The following ARHGAP28 variants were observed in gnomAD, a reference collection of about 807,000 sequenced individuals.
The protein encoded by ARHGAP28 is Rho GTPase activating protein 28, also known as rho GTPase-activating protein 28.
A neutral mutation model predicts 90.7 loss-of-function variants in ARHGAP28; 56 were observed. That is an observed-to-expected ratio of 0.62 (90% CI 0.50 to 0.77). The LOEUF (loss-of-function observed/expected upper bound fraction) is 0.77. Among genes scored for constraint, ARHGAP28 ranks in the 30% least tolerant of loss-of-function variants. The pLI is 0.00. For missense variants in ARHGAP28, 869 were observed against 900.9 expected (o/e 0.96, Z 0.45); for synonymous variants, 308 against 323.3 (o/e 0.95, Z 0.51).
intron 10 of ARHGAP28, among the ~76,000 whole-genome samples, chr18:6,880,834 A>C (rs951867097): frequency 6.6e-6 from 1 of 152,208 alleles, no homozygotes; most frequent in African/African-American, 2.4e-5. Flanking sequence ...CTCATGAAAT[A>C]GTCCCACCCA....
rs934477947 is a variant in ARHGAP28 at position 6,863,758 on chromosome 18, T to G, written c.726+3861T>G. Among the ~76,000 whole-genome samples, 8 of 151,302 alleles carry G rather than the reference T, an allele frequency of 5.3e-5. 2 individuals carry two copies. The highest frequency in any genetic ancestry group is 2.0e-4 in the Admixed American group (3 of 15,232). On this transcript the variant is annotated intron_variant, in intron 5 of 17. Transcript: ENST00000383472. ...TGTTTATGAAACCTCCAAAGCCTGA[T>G]ATCATTGTAGGCATAAAGCTTTGTT...
intron 1 of ARHGAP28, among the ~76,000 whole-genome samples, chr18:6,770,562 C>G (rs1230133963): frequency 6.6e-6 from 1 of 152,176 alleles, no homozygotes; most frequent in Non-Finnish European, 1.5e-5. Flanking sequence ...TCGTCACAGG[C>G]AGCATTTAAG....
In ARHGAP28 at chr18:6,743,966, T is replaced by G. The variant is rs201685943; in HGVS notation, c.122+14023T>G. ...GGACAGAAACTGTCTCTTATCTCTG[T>G]ATCCTTAGCATTTTAGCCTACTGGC... On this transcript the variant is annotated intron_variant, in intron 1 of 17. Coordinates refer to ENST00000383472, the MANE Select transcript of ARHGAP28 (RefSeq NM_001366230.1). 4.6e-5 allele frequency among the ~76,000 whole-genome samples: 7 copies of G among 152,288 alleles called. No homozygotes were observed. In the East Asian group the frequency reaches 1.4e-3, roughly 29 times the overall value.
chr18:6,796,446 TTCAAAGATGCCAACATCATCTTCA>T (rs1272466190), intron 1 of ARHGAP28, among the ~76,000 whole-genome samples: 26 of 152,228 alleles, frequency 1.7e-4, no homozygotes, highest in African/African-American at 6.0e-4. Context: ...GGCCTCTGTC[TTCAAAGATGCCAACATCATCTTCA>T]TTCTGTAACA....
chr18:6,875,950 T>G (rs767468990), intron 9 of ARHGAP28, among the ~76,000 whole-genome samples, 181 bp from the exon 10 acceptor site: 4 of 152,232 alleles, frequency 2.6e-5, no homozygotes, highest in Non-Finnish European at 5.9e-5. Context: ...CTTTCTCATT[T>G]GCATGTCGGA....
rs1306706173 is a variant in ARHGAP28, at chr18:6,896,707, T to C, written c.2030+81T>C. The stretch of plus-strand genomic sequence containing the variant: ...AATAACTTTCTAGGCATTTACAAAT[T>C]TGACCTTTTGTAAAATATAGAACCT... On this transcript the variant is annotated intron_variant, in intron 16 of 17. Transcript: ENST00000383472. 3.3e-6 allele frequency: 5 copies of C among 1,524,182 alleles called. No homozygotes were observed. The African/African-American group carries it at 4.2e-5, about 13-fold the overall frequency. The allele number at this position is 1,524,182 out of a possible 1,614,324, so 94.4% of individuals were successfully genotyped here.
At chr18:6,812,260 C>G (rs578022962) in intron 1 of ARHGAP28, among the ~76,000 whole-genome samples, 2 of 152,144 alleles carry the variant, frequency 1.3e-5, no homozygotes, top group South Asian at 2.1e-4. Flanking sequence ...AAATTAAAAC[C>G]CTTTTCCAAT....
rs1453647082 is a variant in ARHGAP28 at position 6,846,903 on chromosome 18, TA to T, written c.544-4130del. 2.6e-5 allele frequency among the ~76,000 whole-genome samples: 4 copies of T among 152,300 alleles called. No homozygotes were observed. In the East Asian group the frequency reaches 7.8e-4, roughly 30 times the overall value. ...TCACATGAAATCGACAGCAGTTTATTAGTCACGTTTCCTCACAGCTTGGGAG... is the reference window on the plus strand; with the variant it reads ...TCACATGAAATCGACAGCAGTTTATTGTCACGTTTCCTCACAGCTTGGGAG... On this transcript the variant is annotated intron_variant, in intron 3 of 17. Transcript: ENST00000383472.
At chr18:6,905,329 T>A (rs2057359599) in intron 16 of ARHGAP28, among the ~76,000 whole-genome samples, 1 of 152,068 alleles carries the variant, frequency 6.6e-6, no homozygotes, top group Non-Finnish European at 1.5e-5. Context: ...TTTCAATTGA[T>A]ACAGAAAAAA....
At chr18:6,879,943 C>T (rs1355818351) in intron 10 of ARHGAP28, among the ~76,000 whole-genome samples, 1 of 152,198 alleles carries the variant, frequency 6.6e-6, no homozygotes, top group Admixed American at 6.5e-5. Flanking sequence ...GACCCTGGTG[C>T]CCTGTTGCCC....
intron 1 of ARHGAP28, among the ~76,000 whole-genome samples, chr18:6,824,139 C>T (rs1162398994): frequency 6.6e-6 from 1 of 152,146 alleles, no homozygotes; most frequent in East Asian, 1.9e-4. Context: ...TTTTACTGTG[C>T]ATATTTTGAC....
chr18:6,756,213 C>T (rs1335546953), intron 1 of ARHGAP28, among the ~76,000 whole-genome samples: 1 of 152,082 alleles, frequency 6.6e-6, no homozygotes, highest in Admixed American at 6.5e-5. Context: ...ATGGAAGAGC[C>T]AACTATTCTT....
intron 1 of ARHGAP28, among the ~76,000 whole-genome samples, chr18:6,815,403 A>G (rs927365408): frequency 3.9e-5 from 6 of 152,214 alleles, no homozygotes; most frequent in African/African-American, 1.4e-4. Context: ...ATCTCAAAGC[A>G]CTTTTAATTA....
At chr18:6,792,878 C>G (rs1360323573) in intron 1 of ARHGAP28, among the ~76,000 whole-genome samples, 1 of 152,192 alleles carries the variant, frequency 6.6e-6, no homozygotes. Flanking sequence ...AGCAATGGCT[C>G]TCATCTAGCC....
At chr18:6,896,826 AG>A in intron 16 of ARHGAP28, 200 bp downstream of exon 16, 1 of 518,786 alleles carries the variant, frequency 1.9e-6, no homozygotes, top group Non-Finnish European at 3.3e-6. Context: ...TGTTTTTCAA[AG>A]GAATTTCTAG....
intron 5 of ARHGAP28, among the ~76,000 whole-genome samples, chr18:6,865,776 C>A (rs896595164): frequency 2.0e-5 from 3 of 152,158 alleles, no homozygotes; most frequent in African/African-American, 4.8e-5. Context: ...AATAACCCCT[C>A]ATACTCTACT....
chr18:6,877,234 C>T (rs922135644), intron 10 of ARHGAP28, among the ~76,000 whole-genome samples: 3 of 152,124 alleles, frequency 2.0e-5, no homozygotes, highest in Non-Finnish European at 4.4e-5. Context: ...AGATAGGCTG[C>T]GTCTATTGGA....
chr18:6,773,977 C>G (rs1600170903), intron 1 of ARHGAP28: 1 of 152,180 alleles, frequency 6.6e-6, no homozygotes, highest in Admixed American at 6.5e-5. Flanking sequence ...GGCACCACCT[C>G]CTTAAATAGC....
intron 4 of ARHGAP28, among the ~76,000 whole-genome samples, chr18:6,855,772 T>C (rs2056948026): frequency 6.6e-6 from 1 of 152,222 alleles, no homozygotes. Flanking sequence ...TCTCCAGGCT[T>C]CTAGGCACCA....
Sources: allele counts gnomAD v4.1 joint callset (sites outside exome capture counted in the v4.1 genomes callset), GRCh38; gene constraint gnomAD v4.1.1; transcripts MANE v1.5; gene names NCBI Gene and HGNC (gene_info 2026-07-23, HGNC 2026-07-21).